The following PAPPA2 variants were observed in gnomAD, a reference collection of about 807,000 sequenced individuals.
PAPPA2 encodes the protein pappalysin 2, also known as pappalysin-2.
Under a neutral mutation model 176.4 loss-of-function variants are expected in PAPPA2, and 86 were observed. The observed-to-expected ratio is 0.49, with a 90% CI of 0.41 to 0.58. PAPPA2 has a LOEUF of 0.58. PAPPA2 is among the 20% of genes least tolerant of loss of function. The pLI is 0.00. For missense variants in PAPPA2, 2,073 were observed against 2,256.9 expected, an observed-to-expected ratio of 0.92 and a Z score of 1.65; for synonymous variants, 809 against 852.2, an observed-to-expected ratio of 0.95 and a Z score of 0.88.
chr1:176,551,141 C>T (rs1037034944), intron 1 of PAPPA2, among the ~76,000 whole-genome samples: 8 of 152,218 alleles, frequency 5.3e-5, no homozygotes, highest in East Asian at 3.9e-4. Context: ...AAGTTACCCC[C>T]GAAAGATAGA....
rs1265509148 is a variant in PAPPA2 at position 176,835,991 on chromosome 1, A to G, written c.5203-4182A>G. On this transcript the variant is annotated intron_variant, in intron 21 of 22. Coordinates refer to ENST00000367662, the MANE Select transcript of PAPPA2 (RefSeq NM_020318.3). ...ATGAAGCCCAGGATATGTGGGCACA[A>G]TAAGGTAAATCATGAGATGTGAAGG... Among the ~76,000 whole-genome samples, 2 of 152,158 alleles carry G rather than the reference A, an allele frequency of 1.3e-5. 1 individual carries two copies. Among genetic ancestry groups the G allele is most frequent in the East Asian group, 3.9e-4 (2 of 5,176 alleles).
At chr1:176,551,948 A>G (rs1487652678) in intron 1 of PAPPA2, among the ~76,000 whole-genome samples, 1 of 152,144 alleles carries the variant, frequency 6.6e-6, no homozygotes, top group Admixed American at 6.5e-5. Context: ...AGCGGAGGGA[A>G]GAGGAGTTCC....
chr1:176,528,229 A>G (rs931722893), intron 1 of PAPPA2, among the ~76,000 whole-genome samples: 2 of 152,164 alleles, frequency 1.3e-5, no homozygotes, highest in African/African-American at 4.8e-5. Context: ...TAGACTGAAG[A>G]GCAGAAGCCC....
intron 20 of PAPPA2, among the ~76,000 whole-genome samples, chr1:176,797,803 C>T (rs552183629): frequency 6.6e-6 from 1 of 152,250 alleles, no homozygotes; most frequent in Non-Finnish European, 1.5e-5. Flanking sequence ...TCTTGAAAAA[C>T]ATTTGAAATT....
At chr1:176,605,725 C>A (rs746313267) in intron 3 of PAPPA2, among the ~76,000 whole-genome samples, 1 of 152,134 alleles carries the variant, frequency 6.6e-6, no homozygotes, top group Non-Finnish European at 1.5e-5. Context: ...GGTTTCTGGC[C>A]AACCTTGGGT....
intron 21 of PAPPA2, among the ~76,000 whole-genome samples, chr1:176,808,457 A>G (rs1043718327): frequency 4.6e-5 from 7 of 152,270 alleles, no homozygotes; most frequent in African/African-American, 1.7e-4. Context: ...TTGGAATAGA[A>G]TAAAGTTCAG....
intron 12 of PAPPA2, among the ~76,000 whole-genome samples, chr1:176,714,544 G>GT (rs141619239): frequency 6.6e-6 from 1 of 152,164 alleles, no homozygotes; most frequent in Non-Finnish European, 1.5e-5. Context: ...AATAAAACCT[G>GT]TTTTTTAATG....
intron 21 of PAPPA2, among the ~76,000 whole-genome samples, chr1:176,802,486 G>A (rs1221457018): frequency 6.6e-6 from 1 of 152,166 alleles, no homozygotes; most frequent in African/African-American, 2.4e-5. Flanking sequence ...GAACAGAAGA[G>A]TGTCAGGGAC....
intron 17 of PAPPA2, among the ~76,000 whole-genome samples, chr1:176,789,408 G>A (rs927655274): frequency 7.9e-5 from 12 of 151,988 alleles, no homozygotes; most frequent in Non-Finnish European, 1.3e-4. Context: ...GTTGTGGGGT[G>A]GGGGGAGTGG....
At chr1:176,683,083 C>T (rs1049986367) in intron 4 of PAPPA2, among the ~76,000 whole-genome samples, 6 of 151,404 alleles carry the variant, frequency 4.0e-5, no homozygotes, top group Non-Finnish European at 8.8e-5. Context: ...GGGAATCATT[C>T]TCTTTACCAT....
At chr1:176,698,840 G>A (rs116173447) in intron 7 of PAPPA2, among the ~76,000 whole-genome samples, 53 of 152,298 alleles carry the variant, frequency 3.5e-4, no homozygotes, top group African/African-American at 1.1e-3. Flanking sequence ...TAGGATCTGG[G>A]TTGCTCCCTT....
chr1:176,737,367 T>C (rs1662468453), intron 12 of PAPPA2, among the ~76,000 whole-genome samples: 1 of 152,100 alleles, frequency 6.6e-6, no homozygotes, highest in Non-Finnish European at 1.5e-5. Flanking sequence ...GAATTTATTA[T>C]ACATGTACAT....
At chr1:176,464,880 C>A (rs1389486965) in intron 1 of PAPPA2, among the ~76,000 whole-genome samples, 1 of 151,894 alleles carries the variant, frequency 6.6e-6, no homozygotes, top group Non-Finnish European at 1.5e-5. Context: ...ATCCATAATC[C>A]CAATATCCAT....
chr1:176,679,579 C>T (rs1659479418), intron 4 of PAPPA2, among the ~76,000 whole-genome samples: 2 of 152,032 alleles, frequency 1.3e-5, no homozygotes, highest in South Asian at 2.1e-4. Context: ...TTTGCAACCC[C>T]CTTCTCTTTT....
intron 15 of PAPPA2, among the ~76,000 whole-genome samples, chr1:176,767,400 C>T (rs1478929762): frequency 1.3e-5 from 2 of 152,110 alleles, no homozygotes; most frequent in South Asian, 4.1e-4. Flanking sequence ...AGTGCAATGG[C>T]ACGATCTCAG....
In PAPPA2 at chr1:176,842,658, G is replaced by T; in HGVS notation, c.*204G>T. On this transcript the variant is annotated 3_prime_UTR_variant, in exon 23 of 23. Coordinates refer to ENST00000367662, the MANE Select transcript of PAPPA2 (RefSeq NM_020318.3). ...GTAGCCCAAGTAGGAGAGAATCATA[G>T]GCAAAAGTTTCTTTAAAGTGGCAGT... The T allele has an allele frequency of 1.8e-6, 1 of 553,398 alleles. No individual in the cohort carries two copies. Among genetic ancestry groups the T allele is most frequent in the Non-Finnish European group, 3.2e-6 (1 of 313,560 alleles). 34.3% of individuals were successfully genotyped at this position (553,398 alleles called of 1,614,324 possible). A position where few individuals can be genotyped will look rare whatever the true frequency, so the allele number is the denominator to read the frequency against.
At chr1:176,676,277 A>G (rs574169430) in intron 4 of PAPPA2, among the ~76,000 whole-genome samples, 77 of 152,102 alleles carry the variant, frequency 5.1e-4, no homozygotes, top group Non-Finnish European at 1.0e-3. Context: ...AAACCTGTAC[A>G]TGAATGAATC....
intron 1 of PAPPA2, among the ~76,000 whole-genome samples, chr1:176,493,592 C>A (rs1331564176): frequency 6.6e-6 from 1 of 152,142 alleles, no homozygotes; most frequent in African/African-American, 2.4e-5. Flanking sequence ...AATACATATT[C>A]TTTGCAGGCA....
At chr1:176,732,622 A>G (rs1662215650) in intron 12 of PAPPA2, among the ~76,000 whole-genome samples, 1 of 152,196 alleles carries the variant, frequency 6.6e-6, no homozygotes, top group African/African-American at 2.4e-5. Context: ...GTTGGCATGC[A>G]GAAACATTGG....
Sources: allele counts gnomAD v4.1 joint callset (sites outside exome capture counted in the v4.1 genomes callset), GRCh38; gene constraint gnomAD v4.1.1; transcripts MANE v1.5; gene names NCBI Gene and HGNC (gene_info 2026-07-23, HGNC 2026-07-21).